The following KLHL29 variants were observed in gnomAD, a reference collection of about 807,000 sequenced individuals.
The protein encoded by KLHL29 is kelch-like protein 29.
Under a neutral mutation model 80.4 loss-of-function variants are expected in KLHL29, and 21 were observed. That is an observed-to-expected ratio of 0.26 (90% CI 0.19 to 0.38). The LOEUF is 0.38. Among genes scored for constraint, KLHL29 ranks in the 10% least tolerant of loss-of-function variants. The pLI, the probability that KLHL29 is intolerant of heterozygous loss-of-function variation, is 1.00. For missense variants in KLHL29, 867 were observed against 1,223.9 expected (o/e 0.71, Z 4.35); for synonymous variants, 511 against 526.8 (o/e 0.97, Z 0.41).
In KLHL29 at chr2:23,389,078, C is replaced by T. The variant is rs191173729; in HGVS notation, c.-154+3298C>T. Among the ~76,000 whole-genome samples the T allele has an allele frequency of 1.1e-3, 166 of 146,198 alleles. 1 individual carries two copies. The highest frequency in any genetic ancestry group is 3.1e-4 in the Non-Finnish European group (21 of 67,392). ...GGTTGTATCTGGCTTGGAGAGACTT[C>T]GAGACTATATTAGAGCAGGTCTGTC... On this transcript the variant is annotated intron_variant, in intron 1 of 13. Coordinates refer to ENST00000486442, the MANE Select transcript of KLHL29 (RefSeq NM_052920.2).
Position 23,597,319 on chromosome 2 carries a change from G to A in KLHL29, c.285+34838G>A, listed in dbSNP as rs1259805429. 6.4e-4 allele frequency among the ~76,000 whole-genome samples: 87 copies of A among 136,694 alleles called. 1 individual carries two copies. Among genetic ancestry groups the A allele is most frequent in the Middle Eastern group, 7.5e-3 (2 of 268 alleles). 89.7% of individuals were successfully genotyped at this position (136,694 alleles called of 152,430 possible). A position where few individuals can be genotyped will look rare whatever the true frequency, so the allele number is the denominator to read the frequency against. On this transcript the variant is annotated intron_variant, in intron 3 of 13. Transcript: ENST00000486442. Reference sequence around the variant, plus strand: ...CTCATATATATATATATGTGTGTGTGTGTGTGTGTGTGTGTGTGTGTGTGT... The same window carrying A: ...CTCATATATATATATATGTGTGTGTATGTGTGTGTGTGTGTGTGTGTGTGT...
intron 2 of KLHL29, among the ~76,000 whole-genome samples, chr2:23,532,942 C>T (rs1231328820): frequency 2.0e-5 from 3 of 152,062 alleles, no homozygotes; most frequent in Admixed American, 6.5e-5. Context: ...GCTCAGCTGG[C>T]GGTGAGAAAG....
At chr2:23,661,252 G>T (rs1308077887) in intron 5 of KLHL29, among the ~76,000 whole-genome samples, 1 of 150,454 alleles carries the variant, frequency 6.6e-6, no homozygotes, top group Non-Finnish European at 1.5e-5. Context: ...TGAAGTGGAA[G>T]TATTGCCTGA....
At chr2:23,404,694 A>G (rs113446969) in intron 1 of KLHL29, among the ~76,000 whole-genome samples, 2 of 152,330 alleles carry the variant, frequency 1.3e-5, no homozygotes, top group Non-Finnish European at 2.9e-5. Context: ...AGTTGTATGT[A>G]TGCTTCCACT....
chr2:23,550,307 C>T (rs894873253), intron 2 of KLHL29, among the ~76,000 whole-genome samples: 10 of 152,116 alleles, frequency 6.6e-5, no homozygotes, highest in South Asian at 4.2e-4. Flanking sequence ...TGGAGTGGAG[C>T]GCCAGAACAG....
At chr2:23,580,683 A>T (rs56789467) in intron 3 of KLHL29, among the ~76,000 whole-genome samples, 1 of 49,136 alleles carries the variant, frequency 2.0e-5, no homozygotes, top group African/African-American at 4.5e-5. Flanking sequence ...TCATAAAAAA[A>T]ATCTAGCCCA....
At chr2:23,398,391 T>A (rs912016239) in intron 1 of KLHL29, among the ~76,000 whole-genome samples, 1 of 152,212 alleles carries the variant, frequency 6.6e-6, no homozygotes, top group Non-Finnish European at 1.5e-5. Flanking sequence ...ATTCCACTTA[T>A]ATGAGGTACC....
intron 2 of KLHL29, among the ~76,000 whole-genome samples, chr2:23,556,637 A>G (rs1425944092): frequency 1.3e-5 from 2 of 150,828 alleles, no homozygotes; most frequent in African/African-American, 4.9e-5. Context: ...TGGGTGACAG[A>G]GCAAGACTCC....
At chr2:23,686,368 A>G (rs1671259438) in intron 6 of KLHL29, among the ~76,000 whole-genome samples, 1 of 151,852 alleles carries the variant, frequency 6.6e-6, no homozygotes, top group South Asian at 2.1e-4. Flanking sequence ...CAGGTAGGAG[A>G]CCTGGGTCCT....
chr2:23,641,386 TACGTCCCCCACC>T (rs1192212584), intron 4 of KLHL29, among the ~76,000 whole-genome samples: 1 of 152,146 alleles, frequency 6.6e-6, no homozygotes, highest in Non-Finnish European at 1.5e-5. Context: ...AGCCTTTCCA[TACGTCCCCCACC>T]AGGGTCCCTC....
chr2:23,650,507 C>G (rs1481792995), intron 5 of KLHL29, among the ~76,000 whole-genome samples: 1 of 152,196 alleles, frequency 6.6e-6, no homozygotes, highest in Non-Finnish European at 1.5e-5. Flanking sequence ...ACTTAGCTGA[C>G]GTCTTAGCCT....
chr2:23,445,589 A>G (rs1395111233), intron 1 of KLHL29, among the ~76,000 whole-genome samples: 1 of 152,220 alleles, frequency 6.6e-6, no homozygotes, highest in Non-Finnish European at 1.5e-5. Context: ...TCTCTAGTGC[A>G]TGTCATTTCG....
At chr2:23,629,388 G>A (rs538175952) in intron 3 of KLHL29, among the ~76,000 whole-genome samples, 1 of 151,324 alleles carries the variant, frequency 6.6e-6, no homozygotes, top group East Asian at 1.9e-4. Context: ...TTTTTTTCTA[G>A]GTGATCTTAT....
At chr2:23,552,739 G>A (rs113825885) in intron 2 of KLHL29, among the ~76,000 whole-genome samples, 142 of 138,504 alleles carry the variant, frequency 1.0e-3, no homozygotes, top group African/African-American at 3.7e-3. Flanking sequence ...CAGAGGTCAC[G>A]GCTATAGCTC....
chr2:23,470,672 C>T (rs1664472523), intron 1 of KLHL29, among the ~76,000 whole-genome samples: 3 of 152,140 alleles, frequency 2.0e-5, no homozygotes, highest in Admixed American at 2.0e-4. Flanking sequence ...AAAAGCATGC[C>T]AGGAGCTGCA....
chr2:23,577,679 C>T (rs1258687317), intron 3 of KLHL29, among the ~76,000 whole-genome samples: 97 of 151,150 alleles, frequency 6.4e-4, no homozygotes, highest in African/African-American at 2.4e-3. Context: ...ACCTGGGAGG[C>T]AGAGGTTGCA....
At chr2:23,556,948 C>T (rs748853264) in intron 2 of KLHL29, among the ~76,000 whole-genome samples, 1 of 152,206 alleles carries the variant, frequency 6.6e-6, no homozygotes, top group African/African-American at 2.4e-5. Context: ...CACCCAGGTT[C>T]GAGTCCTAGT....
chr2:23,695,846 T>C lies in KLHL29; in HGVS notation c.1741+25T>C. The C allele has an allele frequency of 1.3e-6, 2 of 1,541,028 alleles. No homozygotes were observed. The highest frequency in any genetic ancestry group is 1.8e-6 in the Non-Finnish European group (2 of 1,142,752). On this transcript the variant is annotated intron_variant, in intron 9 of 13. Transcript: ENST00000486442. This position sits in a 1 kb window ranked among gnomAD's most constrained non-coding sequence, Gnocchi z 7.6. ...GGTATGAAGGGGCACGCCCCGAACCTCCCAAGAAGCAGTGTCTTGGGCTCA... is the reference window on the plus strand; with the variant it reads ...GGTATGAAGGGGCACGCCCCGAACCCCCCAAGAAGCAGTGTCTTGGGCTCA...
intron 1 of KLHL29, among the ~76,000 whole-genome samples, chr2:23,465,559 C>T (rs1264057385): frequency 6.6e-6 from 1 of 152,178 alleles, no homozygotes; most frequent in Non-Finnish European, 1.5e-5. Flanking sequence ...CAGGACAGAG[C>T]CCCAGCTGGC....
Sources: allele counts gnomAD v4.1 joint callset (sites outside exome capture counted in the v4.1 genomes callset), GRCh38; gene constraint gnomAD v4.1.1; non-coding constraint Gnocchi (gnomAD v3.1); transcripts MANE v1.5; gene names NCBI Gene and HGNC (gene_info 2026-07-23, HGNC 2026-07-21).